The following ASCC3 variants were observed in gnomAD, a reference collection of about 807,000 sequenced individuals.
The protein encoded by ASCC3 is ASC-1 complex subunit P200.
A neutral mutation model predicts 256.3 loss-of-function variants in ASCC3; 158 were observed. That is an observed-to-expected ratio of 0.62 (90% CI 0.54 to 0.70). ASCC3 has a LOEUF of 0.70. ASCC3 is among the 30% of genes least tolerant of loss of function. ASCC3 has a pLI of 0.00. For missense variants in ASCC3, 2,259 were observed against 2,626.0 expected (o/e 0.86, Z 3.05); for synonymous variants, 948 against 883.4 (o/e 1.07, Z -1.30).
At chr6:100,718,028 T>A in intron 12 of ASCC3, 47 bp downstream of exon 12, 10 of 1,575,048 alleles carry the variant, frequency 6.3e-6, no homozygotes, top group Non-Finnish European at 7.8e-6. Context: ...TATTCAATAA[T>A]AAGTCAACAA....
Position 100,510,118 on chromosome 6 carries a change from GA to G in ASCC3, c.6286-12del, listed in dbSNP as rs887665154. On this transcript the variant is annotated splice_polypyrimidine_tract_variant and intron_variant, in intron 40 of 41. Coordinates refer to ENST00000369162, the MANE Select transcript of ASCC3 (RefSeq NM_006828.4). ...GCTCTCTGGCTTTCCCTGTAAACCA[GA>G]AAAAAAGATACAACATTAAAAATAT... 8.1e-6 allele frequency: 13 copies of G among 1,613,684 alleles called. No homozygotes were observed. The highest frequency in any genetic ancestry group is 1.1e-5 in the Non-Finnish European group (13 of 1,179,850).
chr6:100,595,925 G>A (rs779536816), intron 34 of ASCC3, among the ~76,000 whole-genome samples: 2 of 151,604 alleles, frequency 1.3e-5, no homozygotes, highest in African/African-American at 4.8e-5. Flanking sequence ...TTTTGCTATT[G>A]TTCTTTATCT....
intron 13 of ASCC3, among the ~76,000 whole-genome samples, chr6:100,681,937 T>C (rs1030283451): frequency 1.3e-5 from 2 of 152,020 alleles, no homozygotes; most frequent in South Asian, 2.1e-4. Flanking sequence ...TAGGTTCAAA[T>C]TGTGATATTT....
intron 4 of ASCC3, among the ~76,000 whole-genome samples, chr6:100,831,815 A>G (rs992271490): frequency 3.3e-5 from 5 of 152,166 alleles, no homozygotes; most frequent in Non-Finnish European, 4.4e-5. Context: ...AGACTTTGAA[A>G]TAAGTATTAT....
intron 37 of ASCC3, among the ~76,000 whole-genome samples, chr6:100,521,238 C>T (rs1171033788): frequency 6.6e-6 from 1 of 151,734 alleles, no homozygotes; most frequent in Non-Finnish European, 1.5e-5. Context: ...ATGGCTCTGA[C>T]GTATAAGAGT....
chr6:100,575,910 A>G (rs747663874), intron 36 of ASCC3, among the ~76,000 whole-genome samples: 15 of 152,118 alleles, frequency 9.9e-5, no homozygotes, highest in Non-Finnish European at 1.9e-4. Context: ...ATATCAGATC[A>G]TGATCCTGGT....
At chr6:100,879,098 C>T (rs1221282100) in intron 1 of ASCC3, among the ~76,000 whole-genome samples, 1 of 152,106 alleles carries the variant, frequency 6.6e-6, no homozygotes, top group Admixed American at 6.6e-5. Flanking sequence ...CAGGGAAACA[C>T]GTTTACCAAT....
At chr6:100,863,080 T>A (rs1773304521) in intron 3 of ASCC3, among the ~76,000 whole-genome samples, 13 of 152,142 alleles carry the variant, frequency 8.5e-5, no homozygotes, top group Admixed American at 8.5e-4. Flanking sequence ...CCAGAATAGG[T>A]GTATGGACAT....
intron 36 of ASCC3, among the ~76,000 whole-genome samples, chr6:100,541,246 G>T (rs1411432199): frequency 6.6e-6 from 1 of 151,292 alleles, no homozygotes; most frequent in Non-Finnish European, 1.5e-5. Flanking sequence ...TTCAAACAGG[G>T]GCTGGATTTA....
chr6:100,836,786 T>A (rs1030558855), intron 4 of ASCC3, among the ~76,000 whole-genome samples: 1 of 152,156 alleles, frequency 6.6e-6, no homozygotes, highest in Non-Finnish European at 1.5e-5. Flanking sequence ...CCACTCCTCT[T>A]CAAGTTTTTG....
At chr6:100,879,914 C>T (rs1769206327) in intron 1 of ASCC3, among the ~76,000 whole-genome samples, 1 of 152,082 alleles carries the variant, frequency 6.6e-6, no homozygotes, top group South Asian at 2.1e-4. Context: ...AACTACAGAT[C>T]CATGGCATGA....
At chr6:100,820,641 T>C (rs1770992911) in intron 4 of ASCC3, among the ~76,000 whole-genome samples, 1 of 152,090 alleles carries the variant, frequency 6.6e-6, no homozygotes, top group Non-Finnish European at 1.5e-5. Context: ...TAATTTAGAT[T>C]TCATCAAAAT....
At chr6:100,775,116 T>C (rs1782123616) in intron 8 of ASCC3, among the ~76,000 whole-genome samples, 2 of 152,092 alleles carry the variant, frequency 1.3e-5, no homozygotes, top group Admixed American at 6.5e-5. Flanking sequence ...CTGAATGAAA[T>C]AGCCAGGGAC....
rs560752412 is a variant in ASCC3 at position 100,579,627 on chromosome 6, A to G, written c.5550+10007T>C. 3.3e-5 allele frequency among the ~76,000 whole-genome samples: 5 copies of G among 151,928 alleles called. No homozygotes were observed. In the East Asian group the frequency reaches 7.7e-4, roughly 23 times the overall value. ...TTTTTCCCATTTTTTTTGGTTAACA[A>G]TTAGATGGTTGTAGATGTGTTGCTT... On this transcript the variant is annotated intron_variant, in intron 36 of 41. Coordinates refer to ENST00000369162, the MANE Select transcript of ASCC3 (RefSeq NM_006828.4).
At chr6:100,535,387 T>G (rs1775108249) in intron 37 of ASCC3, among the ~76,000 whole-genome samples, 1 of 152,100 alleles carries the variant, frequency 6.6e-6, no homozygotes, top group Non-Finnish European at 1.5e-5. Flanking sequence ...CTTTCCTCTT[T>G]CTGGCTTGTT....
intron 4 of ASCC3, among the ~76,000 whole-genome samples, chr6:100,834,256 C>T (rs1341128278): frequency 6.6e-6 from 1 of 152,092 alleles, no homozygotes; most frequent in Non-Finnish European, 1.5e-5. Context: ...TTTTATTTTT[C>T]ACATACAATA....
chr6:100,634,387 C>T (rs1017989944), intron 25 of ASCC3, among the ~76,000 whole-genome samples: 6 of 152,164 alleles, frequency 3.9e-5, no homozygotes, highest in African/African-American at 1.4e-4. Context: ...TAACCATCCT[C>T]TCCTTATCTC....
At chr6:100,693,222 C>A (rs1246977184) in intron 13 of ASCC3, among the ~76,000 whole-genome samples, 9 of 151,848 alleles carry the variant, frequency 5.9e-5, no homozygotes, top group Admixed American at 5.9e-4. Context: ...GATATTGTTA[C>A]AGGTATTTAT....
chr6:100,511,157 T>C (rs1201949510), intron 40 of ASCC3, among the ~76,000 whole-genome samples: 1 of 152,198 alleles, frequency 6.6e-6, no homozygotes, highest in Non-Finnish European at 1.5e-5. Context: ...AATGCTCATA[T>C]TGCCAGGTGC....
Sources: allele counts gnomAD v4.1 joint callset (sites outside exome capture counted in the v4.1 genomes callset), GRCh38; gene constraint gnomAD v4.1.1; transcripts MANE v1.5; gene names NCBI Gene and HGNC (gene_info 2026-07-23, HGNC 2026-07-21).